Variants in GRID2 observed in about 807,000 individuals in gnomAD.
The protein encoded by GRID2 is glutamate receptor ionotropic, delta-2.
In GRID2, 33 loss-of-function variants were observed where a neutral mutation model predicts 114.8. The observed-to-expected ratio is 0.29, with a 90% CI of 0.22 to 0.38. The LOEUF (loss-of-function observed/expected upper bound fraction) is 0.38, where lower values mean the gene tolerates loss of function less well. GRID2 is among the 10% of genes least tolerant of loss of function. GRID2 has a pLI of 1.00. For missense variants in GRID2, 1,184 were observed against 1,257.7 expected (o/e 0.94, Z 0.89); for synonymous variants, 505 against 449.9 (o/e 1.12, Z -1.55).
chr4:92,909,102 A>G (rs1193271173), intron 2 of GRID2, among the ~76,000 whole-genome samples: 2 of 152,150 alleles, frequency 1.3e-5, no homozygotes, highest in Non-Finnish European at 2.9e-5. Context: ...GCTTGGTAAG[A>G]GTGATATACC....
chr4:92,962,418 A>T (rs1340022047), intron 2 of GRID2, among the ~76,000 whole-genome samples: 3 of 150,718 alleles, frequency 2.0e-5, no homozygotes, highest in Non-Finnish European at 4.4e-5. Context: ...TCCCCCTCCC[A>T]CCCTCTTTTA....
At chr4:93,677,488 C>T (rs1167998624) in intron 14 of GRID2, among the ~76,000 whole-genome samples, 1 of 152,276 alleles carries the variant, frequency 6.6e-6, no homozygotes, top group East Asian at 1.9e-4. Context: ...CAAGTGGGTC[C>T]CTGACCCCTG....
chr4:93,209,054 A>T (rs1254470398), intron 5 of GRID2, among the ~76,000 whole-genome samples: 1 of 152,004 alleles, frequency 6.6e-6, no homozygotes, highest in East Asian at 1.9e-4. Context: ...TTAAAACTTA[A>T]TCTTTTTCAG....
intron 12 of GRID2, among the ~76,000 whole-genome samples, chr4:93,509,161 G>C (rs1728928702): frequency 6.6e-6 from 1 of 152,220 alleles, no homozygotes; most frequent in Non-Finnish European, 1.5e-5. Flanking sequence ...GAACAGTTTA[G>C]CTGTGCTAAA....
intron 1 of GRID2, among the ~76,000 whole-genome samples, chr4:92,534,836 A>G (rs1725532026): frequency 6.6e-6 from 1 of 152,156 alleles, no homozygotes; most frequent in East Asian, 1.9e-4. Flanking sequence ...ATGAGTGAGT[A>G]TATTTCAATG....
intron 1 of GRID2, among the ~76,000 whole-genome samples, chr4:92,306,252 T>TA (rs1404091246): frequency 6.6e-6 from 1 of 152,222 alleles, no homozygotes; most frequent in African/African-American, 2.4e-5. Flanking sequence ...GTGCAAGGGG[T>TA]AATGAGGTCA....
chr4:93,464,418 C>G (rs138210529), intron 11 of GRID2, among the ~76,000 whole-genome samples: 159 of 152,212 alleles, frequency 1.0e-3, no homozygotes, highest in African/African-American at 2.8e-3. Context: ...AGCATTTAGC[C>G]TAGCTCTAGA....
intron 1 of GRID2, among the ~76,000 whole-genome samples, chr4:92,496,216 C>T (rs1723381727): frequency 6.6e-6 from 1 of 151,792 alleles, no homozygotes; most frequent in African/African-American, 2.4e-5. Flanking sequence ...TTCAGAATGA[C>T]TGACACACAA....
chr4:92,761,736 C>A (rs114588727), intron 2 of GRID2, among the ~76,000 whole-genome samples: 213 of 152,196 alleles, frequency 1.4e-3, no homozygotes, highest in Admixed American at 4.3e-3. Context: ...CCACCTGTCC[C>A]TCCCTTTCCT....
intron 13 of GRID2, among the ~76,000 whole-genome samples, chr4:93,523,799 A>G (rs544506805): frequency 6.6e-6 from 1 of 152,250 alleles, no homozygotes; most frequent in South Asian, 2.1e-4. Context: ...GAGGCTGGGA[A>G]AGATAGCAGC....
At chr4:93,604,618 A>C (rs1306267292) in intron 13 of GRID2, among the ~76,000 whole-genome samples, 1 of 152,210 alleles carries the variant, frequency 6.6e-6, no homozygotes, top group Non-Finnish European at 1.5e-5. Context: ...ATCACATGCC[A>C]CAGAGAAATC....
intron 3 of GRID2, among the ~76,000 whole-genome samples, chr4:93,104,840 G>A (rs1216372177): frequency 6.6e-6 from 1 of 152,138 alleles, no homozygotes. Context: ...GGATGGCTGG[G>A]TCAAATGGTA....
chr4:93,727,877 T>C (rs1730086896), intron 14 of GRID2, among the ~76,000 whole-genome samples: 1 of 152,164 alleles, frequency 6.6e-6, no homozygotes, highest in Non-Finnish European at 1.5e-5. Flanking sequence ...CTTCTCTCTT[T>C]TCTTCTTTAT....
intron 2 of GRID2, among the ~76,000 whole-genome samples, chr4:92,738,132 T>G (rs1736693089): frequency 6.6e-6 from 1 of 152,198 alleles, no homozygotes; most frequent in African/African-American, 2.4e-5. Flanking sequence ...TGGTGTGAGA[T>G]GGTATCTCAT....
At chr4:93,156,877 T>G (rs1379476191) in intron 4 of GRID2, among the ~76,000 whole-genome samples, 1 of 151,522 alleles carries the variant, frequency 6.6e-6, no homozygotes, top group Admixed American at 6.6e-5. Context: ...AAGTATGAAG[T>G]GAAAAGTCAG....
intron 1 of GRID2, among the ~76,000 whole-genome samples, chr4:92,361,421 A>G (rs1728613300): frequency 6.6e-6 from 1 of 152,140 alleles, no homozygotes. Flanking sequence ...GTGTATGTAA[A>G]TTGTATATCA....
chr4:92,321,590 C>T, intron 1 of GRID2, among the ~76,000 whole-genome samples: 1 of 152,044 alleles, frequency 6.6e-6, no homozygotes, highest in Non-Finnish European at 1.5e-5. Context: ...ATAAGTCGGT[C>T]CATTGTAAAA....
intron 1 of GRID2, among the ~76,000 whole-genome samples, chr4:92,445,029 A>G (rs1159159960): frequency 6.6e-6 from 1 of 152,292 alleles, no homozygotes; most frequent in African/African-American, 2.4e-5. Context: ...AGCAGACATC[A>G]TGTATCTGGA....
chr4:93,752,304 GA>G (rs1252872074), intron 14 of GRID2, among the ~76,000 whole-genome samples: 1 of 152,084 alleles, frequency 6.6e-6, no homozygotes, highest in African/African-American at 2.4e-5. Flanking sequence ...ACATAGTCAG[GA>G]AGTAATGATA....
Sources: allele counts gnomAD v4.1 joint callset (sites outside exome capture counted in the v4.1 genomes callset), GRCh38; gene constraint gnomAD v4.1.1; transcripts MANE v1.5; gene names NCBI Gene and HGNC (gene_info 2026-07-23, HGNC 2026-07-21).